Variants in NID2 observed in about 807,000 individuals in gnomAD.
NID2 encodes nidogen 2, also known as nidogen-2.
In NID2, 83 loss-of-function variants were observed where a neutral mutation model predicts 145.4. The ratio of observed to expected loss-of-function variants is 0.57; its 90% CI spans 0.48 to 0.69. The LOEUF (loss-of-function observed/expected upper bound fraction) is 0.69. Ranked by LOEUF, NID2 falls within the 30% of genes least tolerant of loss-of-function variation. The pLI is 0.00. For synonymous variants in NID2, 739 were observed against 701.3 expected (o/e 1.05, Z -0.85); for missense variants, 1,807 against 1,765.7 (o/e 1.02, Z -0.42).
chr14:52,011,810 A>G (rs1197444978), intron 16 of NID2, 127 bp from the exon 17 acceptor site: 2 of 1,157,414 alleles, frequency 1.7e-6, no homozygotes, highest in African/African-American at 1.5e-5. Flanking sequence ...GCAACAGAGC[A>G]GAGTAGCTGG....
intron 12 of NID2, among the ~76,000 whole-genome samples, chr14:52,022,190 A>G (rs576824993): frequency 4.6e-5 from 7 of 152,334 alleles, no homozygotes; most frequent in Admixed American, 4.6e-4. Context: ...CTTCAGCCTA[A>G]GAATTCTGAC....
At chr14:52,032,804 G>GAAAAAAA (rs3030384) in intron 9 of NID2, among the ~76,000 whole-genome samples, 25,656 of 141,662 alleles carry the variant, frequency 0.18, 2,996 homozygotes, top group East Asian at 0.53. Flanking sequence ...GGCATTAAAA[G>GAAAAAAA]AAAAAAAAAA....
intron 2 of NID2, among the ~76,000 whole-genome samples, chr14:52,061,063 C>T (rs1434095113): frequency 2.0e-5 from 3 of 152,190 alleles, no homozygotes; most frequent in African/African-American, 7.2e-5. Context: ...CTCAACATGG[C>T]ATTCAAGGTG....
chr14:52,010,624 T>C (rs895708215), intron 18 of NID2: 9 of 370,074 alleles, frequency 2.4e-5, no homozygotes, highest in African/African-American at 1.4e-4. Flanking sequence ...TTTCTACATA[T>C]CACATCACAG....
chr14:52,024,081 T>A (rs1891494090), intron 12 of NID2, among the ~76,000 whole-genome samples: 1 of 152,216 alleles, frequency 6.6e-6, no homozygotes, highest in Non-Finnish European at 1.5e-5. Flanking sequence ...CTAGCCTGAT[T>A]TATGCATGGG....
chr14:52,004,991 T>TA lies in NID2; in HGVS notation c.*494dup, dbSNP rs1051774014. The TA allele has an allele frequency of 3.0e-4, 47 of 157,232 alleles. No individual in the cohort carries two copies. Among genetic ancestry groups the TA allele is most frequent in the African/African-American group, 2.6e-4 (11 of 41,720 alleles). The allele number at this position is 157,232 out of a possible 1,614,324, so 9.7% of individuals were successfully genotyped here. A position where few individuals can be genotyped will look rare whatever the true frequency, so the allele number is the denominator to read the frequency against. On this transcript the variant is annotated 3_prime_UTR_variant, in exon 22 of 22. Coordinates refer to ENST00000216286, the MANE Select transcript of NID2 (RefSeq NM_007361.4). The stretch of plus-strand genomic sequence containing the variant: ...AAATAGAAATGCACTGATGCAGAGG[T>TA]AAAAAATCTTAGAACTTTTGTTGGG...
chr14:52,023,490 TAAGAA>T (rs977917468), intron 12 of NID2, among the ~76,000 whole-genome samples: 19 of 150,750 alleles, frequency 1.3e-4, no homozygotes, highest in Non-Finnish European at 1.0e-4. Flanking sequence ...TAAAAAAAAA[TAAGAA>T]AAGAAAAAAC....
intron 5 of NID2, among the ~76,000 whole-genome samples, chr14:52,052,180 T>G (rs991207460): frequency 6.6e-5 from 10 of 152,220 alleles, no homozygotes; most frequent in African/African-American, 2.2e-4. Context: ...ATTCTGGAGA[T>G]TCTCAGAAGG....
chr14:52,007,133 TAAA>T (rs1299740428), intron 19 of NID2: 3 of 155,012 alleles, frequency 1.9e-5, no homozygotes, highest in Non-Finnish European at 4.3e-5. Context: ...GAATCAGTCT[TAAA>T]AATTTTTACA....
chr14:52,045,500 C>CAAG lies in NID2; in HGVS notation c.1430-2572_1430-2570dup, dbSNP rs1892455757. On this transcript the variant is annotated intron_variant, in intron 5 of 21. Transcript: ENST00000216286. Reference sequence around the variant, plus strand: ...TAGGCATGACTCAACTTTATTTAAACAAGAAAGTGACAAGCTTAACTTAAA... The same window carrying CAAG: ...TAGGCATGACTCAACTTTATTTAAACAAGAAGAAAGTGACAAGCTTAACTTAAA... Among the ~76,000 whole-genome samples the CAAG allele has an allele frequency of 2.1e-5, 3 of 140,578 alleles. No homozygotes were observed. In the South Asian group the frequency reaches 6.5e-4, roughly 31 times the overall value. The allele number at this position is 140,578 out of a possible 152,430, so 92.2% of individuals were successfully genotyped here.
rs748817469 is a variant in NID2 at position 52,060,335 on chromosome 14, A to C, written c.556T>G (p.Leu186Val). ...TAGCTATCAGACCCATCAGATGCCA[A>C]AACTGCCTGGAAAGTGTTCAGCTGT... Reference protein sequence around the residue: ...SGELNTFQAVLASDGSDSYAL... With the variant: ...SGELNTFQAVVASDGSDSYAL... Residue 186 changes from leucine (L) to valine (V), a missense_variant, in exon 3 of 22, where the codon TTG (leucine) becomes GTG (valine). Transcript: ENST00000216286. 6.3e-7 allele frequency: 1 copy of C among 1,575,702 alleles called. No homozygotes were observed. The highest frequency in any genetic ancestry group is 8.7e-7 in the Non-Finnish European group (1 of 1,155,988).
rs3920038 is a variant in NID2 at position 52,068,930 on chromosome 14, G to T, written c.65C>A (p.Pro22Gln). The T allele has an allele frequency of 0.86, 1,391,242 of 1,613,666 alleles. 606,444 individuals are homozygous for T. Among genetic ancestry groups the T allele is most frequent in the East Asian group, 1 (44,838 of 44,852 alleles). ...CGCCGCGGCCCGCAACATTAGCAACGGCAGCAGCAGTAGCACTGGTAACGA... is the reference window on the plus strand; with the variant it reads ...CGCCGCGGCCCGCAACATTAGCAACTGCAGCAGCAGTAGCACTGGTAACGA... ...LSSLPVLLLL[P>Q]LLMLRAAALH... The change falls in exon 1 of 22, where the codon CCG (proline) becomes CAG (glutamine). Residue 22 changes from proline to glutamine, a missense_variant. Pro to Gln is a moderately conservative substitution (Grantham distance 76). Coordinates refer to ENST00000216286, the MANE Select transcript of NID2 (RefSeq NM_007361.4).
intron 6 of NID2, 66 bp downstream of exon 6, chr14:52,042,716 G>A (rs999720516): frequency 2.0e-5 from 30 of 1,524,196 alleles, no homozygotes; most frequent in African/African-American, 2.7e-5. Flanking sequence ...AGAGCTCACA[G>A]TGGTAGCTGG....
chr14:52,024,121 C>G (rs1891495414), intron 12 of NID2, among the ~76,000 whole-genome samples: 1 of 152,222 alleles, frequency 6.6e-6, no homozygotes, highest in Non-Finnish European at 1.5e-5. Context: ...TCATTCTCTA[C>G]TACTCCACAA....
At chr14:52,006,479 G>A (rs1211666101) in intron 20 of NID2, 58 bp downstream of exon 20, 9 of 1,603,090 alleles carry the variant, frequency 5.6e-6, no homozygotes, top group African/African-American at 1.3e-5. Context: ...TAAAACAAGT[G>A]GTGTGTCCTC....
At chr14:52,052,310 T>C (rs1244579817) in intron 5 of NID2, among the ~76,000 whole-genome samples, 1 of 152,138 alleles carries the variant, frequency 6.6e-6, no homozygotes, top group South Asian at 2.1e-4. Context: ...TCTCTACCCA[T>C]CCTCCACCCC....
At chr14:52,052,865 C>G (rs1209345367) in intron 5 of NID2, among the ~76,000 whole-genome samples, 1 of 152,176 alleles carries the variant, frequency 6.6e-6, no homozygotes, top group Non-Finnish European at 1.5e-5. Flanking sequence ...GCTGGCATGA[C>G]AAGTCTCAAC....
intron 17 of NID2, 107 bp from the exon 18 acceptor site, chr14:52,011,154 G>C: frequency 9.8e-7 from 1 of 1,025,176 alleles, no homozygotes; most frequent in Non-Finnish European, 1.4e-6. Flanking sequence ...GGAAAGCAAA[G>C]CCCAAGTGTC....
intron 3 of NID2, 72 bp downstream of exon 3, chr14:52,060,052 C>G (rs1342594801): frequency 3.4e-5 from 36 of 1,073,246 alleles, no homozygotes; most frequent in Non-Finnish European, 2.9e-5. Flanking sequence ...GTCTTATGGT[C>G]ACTTGTGTTC....
Sources: gnomAD v4.1 joint callset for allele counts (sites outside exome capture counted in the v4.1 genomes callset) on GRCh38, gnomAD v4.1.1 for gene constraint, MANE v1.5 for transcripts, NCBI Gene and HGNC (gene_info 2026-07-23, HGNC 2026-07-21) for gene names.